The following NAV2 variants were observed in gnomAD, a reference collection of about 807,000 sequenced individuals.
NAV2 encodes the protein neuron navigator 2.
In NAV2, 54 loss-of-function variants were observed where a neutral mutation model predicts 223.2. That is an observed-to-expected ratio of 0.24 (90% CI 0.19 to 0.30). NAV2 has a LOEUF of 0.30. Ranked by LOEUF, NAV2 falls within the 10% of genes least tolerant of loss-of-function variation. NAV2 has a pLI of 1.00. For missense variants in NAV2, 2,806 were observed against 3,147.5 expected, an observed-to-expected ratio of 0.89 and a Z score of 2.60; for synonymous variants, 1,279 against 1,239.3, an observed-to-expected ratio of 1.03 and a Z score of -0.67.
intron 4 of NAV2, among the ~76,000 whole-genome samples, chr11:19,876,179 C>T (rs991106130): frequency 3.9e-5 from 6 of 152,052 alleles, no homozygotes; most frequent in Non-Finnish European, 2.9e-5. Context: ...GCACGTGCCA[C>T]CACATCTGGC....
At chr11:19,463,202 G>A (rs1044223237) in intron 1 of NAV2, among the ~76,000 whole-genome samples, 3 of 152,232 alleles carry the variant, frequency 2.0e-5, no homozygotes, top group Non-Finnish European at 4.4e-5. Flanking sequence ...CATGGTGTTA[G>A]CTTGGTATTT....
chr11:19,507,971 C>T (rs904461194), intron 1 of NAV2, among the ~76,000 whole-genome samples: 3 of 152,110 alleles, frequency 2.0e-5, no homozygotes, highest in Non-Finnish European at 4.4e-5. Flanking sequence ...ACACAGTGCC[C>T]CTGGGATGAG....
intron 1 of NAV2, among the ~76,000 whole-genome samples, chr11:19,407,722 A>G (rs2133367224): frequency 7.4e-6 from 1 of 136,042 alleles, no homozygotes; most frequent in South Asian, 2.3e-4. Flanking sequence ...CCAACTTGCT[A>G]CCTTAAAAAG....
At position 20,027,401 on chromosome 11, in the gene NAV2, G is replaced by T. The variant is rs989938639; in HGVS notation, c.2769-8558G>T. ...GCAACTGAATGCAGCTGTCTGGCGG[G>T]GGGCATGGGCCAGCCCTGTAAATGG... On this transcript the variant is annotated intron_variant, in intron 11 of 37. Transcript: ENST00000349880. 211 of 985,418 alleles carry T rather than the reference G, an allele frequency of 2.1e-4. 1 individual carries two copies. The highest frequency in any genetic ancestry group is 5.2e-4 in the Middle Eastern group (1 of 1,936). 61.0% of individuals were successfully genotyped at this position (985,418 alleles called of 1,614,324 possible). A position where few individuals can be genotyped will look rare whatever the true frequency, so the allele number is the denominator to read the frequency against.
Position 19,470,589 on chromosome 11 carries a change from T to C in NAV2, c.75+119562T>C, listed in dbSNP as rs556883885. ...AGACCTATTCCCATGACAATGACAATAATCTATCGTGACCATAATGACCTA... is the reference window on the plus strand; with the variant it reads ...AGACCTATTCCCATGACAATGACAACAATCTATCGTGACCATAATGACCTA... On this transcript the variant is annotated intron_variant, in intron 1 of 37. Coordinates refer to the NAV2 transcript ENST00000360655. Among the ~76,000 whole-genome samples the C allele has an allele frequency of 3.3e-5, 5 of 152,306 alleles. No individual in the cohort carries two copies. The South Asian group carries it at 1.0e-3, about 32-fold the overall frequency.
At chr11:19,969,230 A>G (rs185734253) in intron 10 of NAV2, among the ~76,000 whole-genome samples, 8 of 152,330 alleles carry the variant, frequency 5.3e-5, no homozygotes. Context: ...CCATGGAGAA[A>G]TGAAACTCGC....
rs1565046765 is a variant in NAV2, at chr11:20,092,360, C to T, written c.5807C>T (p.Thr1936Ile). ...CACAGCTTGAACCTCACTGAGTCAA[C>T]CAGCCTGGGTGAGTGGCCTACAGGG... ...SQHSLNLTES[T>I]SLDMLLDDTG... The change falls in exon 28 of 38, where the codon ACC (threonine) becomes ATC (isoleucine). Residue 1936 changes from threonine (T) to isoleucine (I), a missense_variant. Thr to Ile is a moderately conservative substitution (Grantham distance 89). This residue lies in a region of NAV2 where 824 missense variants were observed against 1,069.4 expected (regional missense o/e 0.77). Transcript: ENST00000349880. 2 of 1,612,414 alleles carry T rather than the reference C, an allele frequency of 1.2e-6. No homozygotes were observed. Among genetic ancestry groups the T allele is most frequent in the South Asian group, 2.2e-5 (2 of 91,002 alleles).
rs368234312 is a variant in NAV2 at position 19,722,922 on chromosome 11, G to A, written c.267+8960G>A. Among the ~76,000 whole-genome samples, 6 of 152,210 alleles carry A rather than the reference G, an allele frequency of 3.9e-5. No individual in the cohort carries two copies. The East Asian group carries it at 9.6e-4, about 24-fold the overall frequency. On this transcript the variant is annotated intron_variant, in intron 1 of 37. Coordinates refer to ENST00000349880, the MANE Select transcript of NAV2 (RefSeq NM_145117.5). Reference sequence around the variant, plus strand: ...TGCCTGGTCTGGCTGAGTAGAGGGCGGAGGCAGATTCCTTTGCACAAGGCT... The same window carrying A: ...TGCCTGGTCTGGCTGAGTAGAGGGCAGAGGCAGATTCCTTTGCACAAGGCT...
chr11:19,894,165 C>A (rs2041756576), intron 6 of NAV2, among the ~76,000 whole-genome samples: 1 of 152,122 alleles, frequency 6.6e-6, no homozygotes, highest in Non-Finnish European at 1.5e-5. Flanking sequence ...GAAACTAAAG[C>A]AAAGAAAGTT....
intron 1 of NAV2, among the ~76,000 whole-genome samples, chr11:19,723,083 C>T (rs1675983951): frequency 6.6e-6 from 1 of 152,108 alleles, no homozygotes; most frequent in Non-Finnish European, 1.5e-5. Context: ...CAGATTCCTG[C>T]CCCCCACCCC....
intron 1 of NAV2, among the ~76,000 whole-genome samples, chr11:19,789,780 C>G (rs1291620407): frequency 6.6e-6 from 1 of 152,142 alleles, no homozygotes; most frequent in Non-Finnish European, 1.5e-5. Context: ...TTTGTAGTTG[C>G]TTTGAATTAG....
At chr11:19,446,306 A>G (rs895651387) in intron 1 of NAV2, among the ~76,000 whole-genome samples, 1 of 152,150 alleles carries the variant, frequency 6.6e-6, no homozygotes, top group African/African-American at 2.4e-5. Context: ...ATGGGTTCCT[A>G]GATGCCTCCA....
At chr11:19,679,328 G>A (rs898261760) in intron 1 of NAV2, among the ~76,000 whole-genome samples, 52 of 149,144 alleles carry the variant, frequency 3.5e-4, no homozygotes, top group African/African-American at 1.3e-3. Context: ...CTACTCTGGA[G>A]GCTGAGGCAG....
chr11:19,989,208 T>G (rs2153461727), intron 11 of NAV2, among the ~76,000 whole-genome samples: 1 of 152,264 alleles, frequency 6.6e-6, no homozygotes, highest in African/African-American at 2.4e-5. Context: ...GACAGGGAGA[T>G]TACTCTGGCT....
At chr11:20,109,139 C>T (rs183643257) in intron 36 of NAV2, among the ~76,000 whole-genome samples, 2 of 152,230 alleles carry the variant, frequency 1.3e-5, no homozygotes, top group East Asian at 3.9e-4. Context: ...TATTTTCTAT[C>T]TATGATTTAT....
At chr11:19,345,610 G>A in the NAV2 span, among the ~76,000 whole-genome samples, 2 of 152,230 alleles carry the variant, frequency 1.3e-5, no homozygotes, top group African/African-American at 4.8e-5. This position sits in a 1 kb window ranked among gnomAD's most constrained non-coding sequence, Gnocchi z 5.2. Context: ...ATAGCCACCC[G>A]TGCGCGATGA....
chr11:19,943,887 C>T (rs1297424997), intron 8 of NAV2, among the ~76,000 whole-genome samples: 4 of 152,054 alleles, frequency 2.6e-5, no homozygotes, highest in Admixed American at 6.6e-5. Context: ...TCTCCTCTTC[C>T]CTTTGTAAGG....
chr11:19,871,723 C>T (rs1190996029), intron 4 of NAV2, among the ~76,000 whole-genome samples: 1 of 152,130 alleles, frequency 6.6e-6, no homozygotes, highest in African/African-American at 2.4e-5. Context: ...AGCGGTCCCC[C>T]ACCAGACAGT....
chr11:19,422,116 GC>G (rs1850639925), intron 1 of NAV2, among the ~76,000 whole-genome samples: 1 of 152,214 alleles, frequency 6.6e-6, no homozygotes, highest in South Asian at 2.1e-4. Context: ...ACACACAGAG[GC>G]AGATCCAGGC....
Sources: allele counts gnomAD v4.1 joint callset (sites outside exome capture counted in the v4.1 genomes callset), GRCh38; gene constraint gnomAD v4.1.1; regional missense constraint gnomAD v4.1.1; non-coding constraint Gnocchi (gnomAD v3.1); transcripts MANE v1.5; gene names NCBI Gene and HGNC (gene_info 2026-07-23, HGNC 2026-07-21).